Variants in ZBBX observed in about 807,000 individuals in gnomAD.
The protein encoded by ZBBX is zinc finger B-box domain containing.
In ZBBX, 101 loss-of-function variants were observed where a neutral mutation model predicts 108.5. The observed-to-expected ratio is 0.93, with a 90% CI of 0.79 to 1.10. The LOEUF is 1.10. Ranked by LOEUF, ZBBX falls within the 50% of genes least tolerant of loss-of-function variation. The probability of loss-of-function intolerance (pLI) is 0.00; values close to 1 mark genes in which losing one functional copy is unlikely to be tolerated. For synonymous variants in ZBBX, 356 were observed against 323.4 expected, an observed-to-expected ratio of 1.10 and a Z score of -1.08; for missense variants, 1,009 against 941.4, an observed-to-expected ratio of 1.07 and a Z score of -0.94.
chr3:167,373,033 A>C, intron 3 of ZBBX, 83 bp from the exon 4 acceptor site: 1 of 607,310 alleles, frequency 1.6e-6, no homozygotes, highest in Non-Finnish European at 2.7e-6. Context: ...ATAATTCAGG[A>C]ATGTTTTTAA....
intron 8 of ZBBX, among the ~76,000 whole-genome samples, chr3:167,358,613 A>AT (rs1743985467): frequency 1.3e-5 from 2 of 151,996 alleles, no homozygotes; most frequent in South Asian, 4.1e-4. Context: ...ATTTTCTGTA[A>AT]TTTTTTCATT....
chr3:167,364,116 G>A (rs978066301), intron 6 of ZBBX, among the ~76,000 whole-genome samples: 5 of 151,566 alleles, frequency 3.3e-5, no homozygotes. Context: ...ATTCTTTGTT[G>A]TGGGGATTGT....
intron 20 of ZBBX, among the ~76,000 whole-genome samples, chr3:167,269,227 C>T (rs992447929): frequency 6.6e-6 from 1 of 152,290 alleles, no homozygotes; most frequent in East Asian, 1.9e-4. Flanking sequence ...TCAGGGGCCG[C>T]TCGCTCCTCT....
At chr3:167,282,181 C>T (rs770394020) in intron 20 of ZBBX, 57 bp downstream of exon 20, 576 of 1,509,598 alleles carry the variant, frequency 3.8e-4, no homozygotes, top group Non-Finnish European at 4.9e-4. Flanking sequence ...TATGAAGAAT[C>T]CGGCTGAGGG....
chr3:167,328,175 T>C (rs1410250296), intron 10 of ZBBX, 59 bp from the exon 11 acceptor site: 22 of 1,511,884 alleles, frequency 1.5e-5, no homozygotes, highest in Admixed American at 8.8e-5. Flanking sequence ...CCCACAAAAA[T>C]TGTTTTAATA....
At chr3:167,213,085 G>A in the ZBBX span, among the ~76,000 whole-genome samples, 2 of 152,188 alleles carry the variant, frequency 1.3e-5, no homozygotes, top group Admixed American at 6.5e-5. Context: ...CACACACAGG[G>A]ATGAGAAAGA....
At chr3:167,324,454 C>T (rs532264028) in intron 11 of ZBBX, among the ~76,000 whole-genome samples, 1 of 152,170 alleles carries the variant, frequency 6.6e-6, no homozygotes, top group Non-Finnish European at 1.5e-5. Flanking sequence ...GAGCTGTGAC[C>T]TGGCTTAGGT....
At chr3:167,401,318 T>TTAGC (rs1362892194) in intron 1 of ZBBX, 7 of 152,130 alleles carry the variant, frequency 4.6e-5, no homozygotes, top group Admixed American at 3.3e-4. Context: ...ACAAAAGACC[T>TTAGC]TAGCTCTTAT....
the ZBBX span, among the ~76,000 whole-genome samples, chr3:167,216,192 T>C: frequency 6.6e-6 from 1 of 152,140 alleles, no homozygotes; most frequent in Non-Finnish European, 1.5e-5. Flanking sequence ...CTATCTCTGT[T>C]TGCATATGAC....
At chr3:167,361,664 T>C (rs1744522957) in intron 6 of ZBBX, among the ~76,000 whole-genome samples, 1 of 152,206 alleles carries the variant, frequency 6.6e-6, no homozygotes, top group Non-Finnish European at 1.5e-5. Flanking sequence ...TCAGATGCTA[T>C]GTACTAAACA....
At chr3:167,213,634 C>G in the ZBBX span, among the ~76,000 whole-genome samples, 1 of 152,172 alleles carries the variant, frequency 6.6e-6, no homozygotes, top group Non-Finnish European at 1.5e-5. Flanking sequence ...AGGATATCAT[C>G]CATGAAAACT....
intron 7 of ZBBX, 122 bp from the exon 8 acceptor site, chr3:167,360,101 A>G (rs532555103): frequency 3.2e-6 from 1 of 315,316 alleles, no homozygotes; most frequent in South Asian, 1.3e-4. Flanking sequence ...CACATAGAAC[A>G]AATTCTAAAC....
chr3:167,216,119 T>A, the ZBBX span, among the ~76,000 whole-genome samples: 21 of 152,258 alleles, frequency 1.4e-4, no homozygotes, highest in African/African-American at 5.1e-4. Flanking sequence ...TACTGGAAGT[T>A]CTAGCCAGAG....
At position 167,285,627 on chromosome 3, in the gene ZBBX, A is replaced by T. The variant is rs1277671275; in HGVS notation, c.1997-3132T>A. On this transcript the variant is annotated intron_variant, in intron 19 of 21. Coordinates refer to ENST00000675490, the MANE Select transcript of ZBBX (RefSeq NM_001199201.2). Reference sequence around the variant, plus strand: ...TTATGACCTGTGAAATACAAAATTCAGGAACTGGATAGTAGAACGTCTTAA... The same window carrying T: ...TTATGACCTGTGAAATACAAAATTCTGGAACTGGATAGTAGAACGTCTTAA... Among the ~76,000 whole-genome samples, 3 of 152,186 alleles carry T rather than the reference A, an allele frequency of 2.0e-5. No homozygotes were observed. In the South Asian group the frequency reaches 6.2e-4, roughly 31 times the overall value.
At chr3:167,315,920 T>C (rs1054312247) in intron 14 of ZBBX, 91 bp from the exon 15 acceptor site, 9 of 727,836 alleles carry the variant, frequency 1.2e-5, no homozygotes, top group Non-Finnish European at 2.0e-5. Context: ...TTGGAGTACA[T>C]TTTTCCTACA....
chr3:167,376,845 C>T (rs1372658684), intron 2 of ZBBX, among the ~76,000 whole-genome samples: 1 of 152,294 alleles, frequency 6.6e-6, no homozygotes, highest in East Asian at 1.9e-4. Flanking sequence ...ATTATTCTGC[C>T]TGTTTCCTTT....
chr3:167,315,854 A>G, intron 14 of ZBBX, 25 bp from the exon 15 acceptor site: 1 of 1,433,052 alleles, frequency 7.0e-7, no homozygotes, highest in Non-Finnish European at 9.6e-7. Context: ...GTTATATAAT[A>G]TTAGTAAGTT....
At chr3:167,181,764 G>T in the ZBBX span, among the ~76,000 whole-genome samples, 2 of 152,170 alleles carry the variant, frequency 1.3e-5, no homozygotes, top group Non-Finnish European at 2.9e-5. Flanking sequence ...ATTGTAATCT[G>T]AATCAATAAC....
At chr3:167,231,639 G>T in the ZBBX span, among the ~76,000 whole-genome samples, 1 of 151,792 alleles carries the variant, frequency 6.6e-6, no homozygotes, top group Non-Finnish European at 1.5e-5. Flanking sequence ...AAAAGCTAAA[G>T]ATATTATTCA....
Sources: gnomAD v4.1 joint callset for allele counts (sites outside exome capture counted in the v4.1 genomes callset) on GRCh38, gnomAD v4.1.1 for gene constraint, MANE v1.5 for transcripts, NCBI Gene and HGNC (gene_info 2026-07-23, HGNC 2026-07-21) for gene names.